The following ZMYND11 variants were observed in gnomAD, a reference collection of about 807,000 sequenced individuals.
The protein encoded by ZMYND11 is zinc finger MYND domain-containing protein 11.
Under a neutral mutation model 84.9 loss-of-function variants are expected in ZMYND11, and 9 were observed. The ratio of observed to expected loss-of-function variants is 0.11; its 90% CI spans 0.06 to 0.18. The LOEUF (loss-of-function observed/expected upper bound fraction) is 0.18. ZMYND11 is among the 10% of genes least tolerant of loss of function. The pLI is 1.00. For synonymous variants in ZMYND11, 250 were observed against 244.1 expected (o/e 1.02, Z -0.23); for missense variants, 409 against 761.0 (o/e 0.54, Z 5.44).
chr10:156,968 C>T (rs2131408236), intron 1 of ZMYND11, among the ~76,000 whole-genome samples: 1 of 152,170 alleles, frequency 6.6e-6, no homozygotes, highest in East Asian at 1.9e-4. Context: ...TAATGGCAGA[C>T]AAGAGGGTAT....
At chr10:163,545 A>G (rs1053223295) in intron 1 of ZMYND11, among the ~76,000 whole-genome samples, 18 of 152,252 alleles carry the variant, frequency 1.2e-4, no homozygotes, top group Non-Finnish European at 1.8e-4. Flanking sequence ...ATGTTCCTGA[A>G]TATTCCTACT....
intron 1 of ZMYND11, among the ~76,000 whole-genome samples, chr10:152,081 G>A (rs1317629097): frequency 9.2e-5 from 14 of 152,168 alleles, no homozygotes; most frequent in Non-Finnish European, 2.1e-4. Context: ...AACATGGAAA[G>A]GAACAACTGG....
Position 189,858 on chromosome 10 carries a change from T to C in ZMYND11, c.116+9730T>C, listed in dbSNP as rs189437385. On this transcript the variant is annotated intron_variant, in intron 2 of 14. Coordinates refer to ENST00000381604, the MANE Select transcript of ZMYND11 (RefSeq NM_001370100.5). ...AGACCTTATTTGAGGGGACAGTCACTGTGAGAATGCTTGGGATGCCTTGTG... is the reference window on the plus strand; with the variant it reads ...AGACCTTATTTGAGGGGACAGTCACCGTGAGAATGCTTGGGATGCCTTGTG... Among the ~76,000 whole-genome samples, 76 of 152,320 alleles carry C rather than the reference T, an allele frequency of 5.0e-4. No individual in the cohort carries two copies. In the East Asian group the frequency reaches 7.9e-3, roughly 16 times the overall value.
intron 2 of ZMYND11, among the ~76,000 whole-genome samples, chr10:195,846 C>A (rs962302211): frequency 6.6e-6 from 1 of 152,110 alleles, no homozygotes; most frequent in Non-Finnish European, 1.5e-5. Flanking sequence ...TCACACTACA[C>A]ATATTTTAAA....
Position 227,973 on chromosome 10 carries a change from CA to C in ZMYND11, c.438+6619del, listed in dbSNP as rs1428144181. On this transcript the variant is annotated intron_variant, in intron 4 of 14. Coordinates refer to ENST00000381604, the MANE Select transcript of ZMYND11 (RefSeq NM_001370100.5). ...AATGAACATTAATCAAATATTTTTA[CA>C]ATTTTTAAGACAACTTATAATTTTA... 2.0e-5 allele frequency among the ~76,000 whole-genome samples: 3 copies of C among 152,188 alleles called. No individual in the cohort carries two copies. In the East Asian group the frequency reaches 5.8e-4, roughly 29 times the overall value.
chr10:232,090 A>G (rs1474405815), intron 4 of ZMYND11, among the ~76,000 whole-genome samples: 2 of 152,392 alleles, frequency 1.3e-5, no homozygotes, highest in Non-Finnish European at 1.5e-5. Context: ...TAATCTGTAC[A>G]TATTATAAAG....
chr10:207,935 G>T (rs1944481970), intron 2 of ZMYND11, among the ~76,000 whole-genome samples: 1 of 152,130 alleles, frequency 6.6e-6, no homozygotes, highest in African/African-American at 2.4e-5. Context: ...CATGGTACTG[G>T]TACCAAAACA....
chr10:206,359 C>A (rs1944171848), intron 2 of ZMYND11, among the ~76,000 whole-genome samples: 1 of 152,148 alleles, frequency 6.6e-6, no homozygotes, highest in African/African-American at 2.4e-5. Context: ...GATTCCATCT[C>A]AAAAATAATA....
intron 1 of ZMYND11, among the ~76,000 whole-genome samples, chr10:164,680 G>A (rs1302847368): frequency 2.6e-5 from 4 of 152,306 alleles, no homozygotes; most frequent in East Asian, 1.9e-4. Context: ...TGGTGGGGAA[G>A]TGCATTGTCC....
upstream of ZMYND11, chr10:135,446 C>T (rs1434104773): frequency 2.0e-5 from 3 of 151,536 alleles, no homozygotes; most frequent in Non-Finnish European, 4.4e-5. The surrounding 1 kb of genome is among the most constrained non-coding windows in gnomAD (Gnocchi z 5.6). Context: ...CCCCCCGCCC[C>T]CCGCGCCCGT....
chr10:218,887 G>A (rs954866309), intron 3 of ZMYND11, among the ~76,000 whole-genome samples: 1 of 152,156 alleles, frequency 6.6e-6, no homozygotes, highest in African/African-American at 2.4e-5. Flanking sequence ...ATGCCTGTAT[G>A]ATTCATCCCT....
chr10:175,343 G>A (rs910957615), intron 1 of ZMYND11, among the ~76,000 whole-genome samples: 9 of 152,148 alleles, frequency 5.9e-5, no homozygotes, highest in African/African-American at 1.9e-4. Flanking sequence ...CTAGGTGGGC[G>A]GATCACCTGA....
intron 1 of ZMYND11, among the ~76,000 whole-genome samples, chr10:170,138 A>G (rs1554765232): frequency 6.6e-6 from 1 of 152,164 alleles, no homozygotes; most frequent in African/African-American, 2.4e-5. Flanking sequence ...AAATGTTGAA[A>G]GAAAAAACCC....
At chr10:160,660 T>C (rs558721865) in intron 1 of ZMYND11, among the ~76,000 whole-genome samples, 6 of 152,212 alleles carry the variant, frequency 3.9e-5, no homozygotes, top group Non-Finnish European at 7.3e-5. Flanking sequence ...TTCTGAAACC[T>C]GTGTTGTCAT....
intron 10 of ZMYND11, among the ~76,000 whole-genome samples, chr10:242,977 A>C (rs1951341590): frequency 7.1e-6 from 1 of 141,656 alleles, no homozygotes; most frequent in African/African-American, 2.6e-5. Flanking sequence ...CTCAATACAA[A>C]ATGAATGTTT....
chr10:133,555 C>T (rs1006504958), upstream of ZMYND11, among the ~76,000 whole-genome samples: 1 of 152,188 alleles, frequency 6.6e-6, no homozygotes, highest in Non-Finnish European at 1.5e-5. Context: ...GCTGCCACTT[C>T]TTTCCTAAAA....
chr10:140,645 G>A (rs1837297892), intron 1 of ZMYND11, among the ~76,000 whole-genome samples: 1 of 152,126 alleles, frequency 6.6e-6, no homozygotes, highest in Non-Finnish European at 1.5e-5. Flanking sequence ...GTAATTTCCT[G>A]ATTTTTATCT....
intron 2 of ZMYND11, among the ~76,000 whole-genome samples, chr10:185,788 C>G (rs1267442753): frequency 1.6e-5 from 2 of 127,544 alleles, no homozygotes; most frequent in Non-Finnish European, 3.2e-5. Context: ...GCACTCCAGC[C>G]TGGTCAACGA....
At chr10:236,702 C>T (rs1190636051) in intron 4 of ZMYND11, 136 bp from the exon 5 acceptor site, 17 of 675,104 alleles carry the variant, frequency 2.5e-5, no homozygotes, top group Non-Finnish European at 3.9e-5. Flanking sequence ...AGATTTCTGT[C>T]AGATATGTTG....
Sources: gnomAD v4.1 joint callset for allele counts (sites outside exome capture counted in the v4.1 genomes callset) on GRCh38, gnomAD v4.1.1 for gene constraint, Gnocchi (gnomAD v3.1) non-coding constraint, MANE v1.5 for transcripts, NCBI Gene and HGNC (gene_info 2026-07-23, HGNC 2026-07-21) for gene names.